The following C11orf65 variants were observed in gnomAD, a reference collection of about 807,000 sequenced individuals.
C11orf65 encodes the protein chromosome 11 open reading frame 65.
Under a neutral mutation model 35.3 loss-of-function variants are expected in C11orf65, and 38 were observed. The ratio of observed to expected loss-of-function variants is 1.08; its 90% CI spans 0.83 to 1.41. C11orf65 has a LOEUF of 1.41. C11orf65 is among the 40% of genes most tolerant of loss of function. The pLI is 0.00. For missense variants in C11orf65, 370 were observed against 367.1 expected, an observed-to-expected ratio of 1.01 and a Z score of -0.06; for synonymous variants, 105 against 114.4, an observed-to-expected ratio of 0.92 and a Z score of 0.53.
intron 3 of C11orf65, among the ~76,000 whole-genome samples, chr11:108,410,988 C>T (rs2092645840): frequency 6.6e-6 from 1 of 152,076 alleles, no homozygotes; most frequent in Non-Finnish European, 1.5e-5. Flanking sequence ...GTATTACAGG[C>T]ATGAGCCACC....
intron 2 of C11orf65, among the ~76,000 whole-genome samples, chr11:108,439,838 A>C (rs1409368924): frequency 6.6e-6 from 1 of 152,190 alleles, no homozygotes; most frequent in Non-Finnish European, 1.5e-5. Context: ...TAATGGGTAC[A>C]TGAGGTTTTG....
At chr11:108,332,314 C>T (rs1167125198) in intron 3 of C11orf65, among the ~76,000 whole-genome samples, 1 of 152,086 alleles carries the variant, frequency 6.6e-6, no homozygotes, top group African/African-American at 2.4e-5. Flanking sequence ...CACCTGTAGT[C>T]CCAGCTACTC....
intron 8 of C11orf65, among the ~76,000 whole-genome samples, chr11:108,385,266 T>A (rs1461864668): frequency 6.6e-6 from 1 of 150,624 alleles, no homozygotes; most frequent in Non-Finnish European, 1.5e-5. Context: ...GAGTCAGGGT[T>A]TCACCATGTT....
At chr11:108,339,652 A>G (rs1474584148) in intron 2 of C11orf65, among the ~76,000 whole-genome samples, 1 of 152,042 alleles carries the variant, frequency 6.6e-6, no homozygotes, top group Non-Finnish European at 1.5e-5. Context: ...AACCAACATC[A>G]CAGTTGAGAC....
chr11:108,317,414 T>A, intron 6 of C11orf65: 1 of 1,612,558 alleles, frequency 6.2e-7, no homozygotes, highest in South Asian at 1.1e-5. Context: ...TTTCCGTCTA[T>A]TTAAAAGGAT....
chr11:108,352,961 G>C (rs1429263339), intron 2 of C11orf65, among the ~76,000 whole-genome samples: 1 of 152,124 alleles, frequency 6.6e-6, no homozygotes, highest in Non-Finnish European at 1.5e-5. Context: ...AATAGGTGCA[G>C]CCGTAAAGGG....
At chr11:108,370,021 T>C (rs2138070695) in intron 2 of C11orf65, among the ~76,000 whole-genome samples, 1 of 152,302 alleles carries the variant, frequency 6.6e-6, no homozygotes, top group South Asian at 2.1e-4. Context: ...CTTCATTCTC[T>C]TAATGGAGTT....
At chr11:108,422,927 G>A (rs2092841318) in intron 3 of C11orf65, among the ~76,000 whole-genome samples, 1 of 151,644 alleles carries the variant, frequency 6.6e-6, no homozygotes, top group Admixed American at 6.6e-5. Context: ...ATACACAGAG[G>A]TCAGTCCCAG....
chr11:108,354,505 G>T (rs1044278260), intron 2 of C11orf65, among the ~76,000 whole-genome samples: 1 of 152,220 alleles, frequency 6.6e-6, no homozygotes, highest in Non-Finnish European at 1.5e-5. Context: ...ATTGCAGTCA[G>T]TGTAAACTAA....
At chr11:108,394,171 C>G (rs551765555) in intron 6 of C11orf65, among the ~76,000 whole-genome samples, 50 of 127,828 alleles carry the variant, frequency 3.9e-4, no homozygotes, top group African/African-American at 1.4e-3. Flanking sequence ...CAGAGCAAGA[C>G]TCCATCTCAA....
downstream of C11orf65, among the ~76,000 whole-genome samples, chr11:108,329,537 C>T (rs1285703106): frequency 6.6e-6 from 1 of 152,030 alleles, no homozygotes; most frequent in African/African-American, 2.4e-5. Context: ...CCTGAGCCCC[C>T]GAAATAGCTG....
downstream of C11orf65, among the ~76,000 whole-genome samples, chr11:108,379,679 T>C (rs182826066): frequency 4.4e-4 from 67 of 152,028 alleles, no homozygotes; most frequent in Middle Eastern, 3.4e-3. Flanking sequence ...CCTGGGTTTA[T>C]TTAAGTAACC....
intron 2 of C11orf65, among the ~76,000 whole-genome samples, chr11:108,335,603 T>C (rs2086751123): frequency 6.6e-6 from 1 of 152,074 alleles, no homozygotes; most frequent in Non-Finnish European, 1.5e-5. Flanking sequence ...TATGCCTTCC[T>C]AGGGGGGACT....
At chr11:108,436,201 C>T (rs1369110415) in intron 2 of C11orf65, among the ~76,000 whole-genome samples, 1 of 152,074 alleles carries the variant, frequency 6.6e-6, no homozygotes, top group Non-Finnish European at 1.5e-5. Flanking sequence ...GAAATTCTTC[C>T]CTAGAGCCTC....
At position 108,435,348 on chromosome 11, in the gene C11orf65, T is replaced by C. The variant is rs1207563867; in HGVS notation, c.82-3510A>G. On this transcript the variant is annotated intron_variant, in intron 2 of 8. Coordinates refer to ENST00000393084, the MANE Select transcript of C11orf65 (RefSeq NM_152587.5). Reference sequence around the variant, plus strand: ...CATGAAAAAAAAAAGACAATTACCATACTGGCTGGGGTAATTAATCCTGAT... The same window carrying C: ...CATGAAAAAAAAAAGACAATTACCACACTGGCTGGGGTAATTAATCCTGAT... Among the ~76,000 whole-genome samples, 4 of 152,116 alleles carry C rather than the reference T, an allele frequency of 2.6e-5. No individual in the cohort carries two copies. In the East Asian group the frequency reaches 7.7e-4, roughly 29 times the overall value.
At chr11:108,308,796 C>G in exon 7 of C11orf65, 1 of 528,894 alleles carries the variant, frequency 1.9e-6, no homozygotes. Context: ...TTCTTCTTCT[C>G]TAGTAGAAAA....
intron 3 of C11orf65, among the ~76,000 whole-genome samples, chr11:108,430,933 CACACACACACACAG>C (rs1174366305): frequency 6.2e-5 from 8 of 128,902 alleles, no homozygotes; most frequent in African/African-American, 2.6e-4. Context: ...CACACACACA[CACACACACACACAG>C]AGGAGAGTTG....
At chr11:108,357,378 G>A (rs987192266) in intron 2 of C11orf65, among the ~76,000 whole-genome samples, 3 of 152,228 alleles carry the variant, frequency 2.0e-5, no homozygotes, top group Non-Finnish European at 4.4e-5. Context: ...AGGGGCGCCC[G>A]CCATTGCCCA....
Position 108,312,390 on chromosome 11 carries a change from A to C in C11orf65, c.641-3319T>G, listed in dbSNP as rs373693586. 12 of 1,510,530 alleles carry C rather than the reference A, an allele frequency of 7.9e-6. No homozygotes were observed. In the African/African-American group the frequency reaches 1.5e-4, roughly 19 times the overall value. 93.6% of individuals were successfully genotyped at this position (1,510,530 alleles called of 1,614,324 possible). ...CCAAATAGTATGTTCTCATTAAAAG[A>C]GGTGTTCTTGTGACAAACAGAAGTC... On this transcript the variant is annotated intron_variant, in intron 6 of 6. Coordinates refer to the C11orf65 transcript ENST00000525729.
Sources: gnomAD v4.1 joint callset for allele counts (sites outside exome capture counted in the v4.1 genomes callset) on GRCh38, gnomAD v4.1.1 for gene constraint, MANE v1.5 for transcripts, NCBI Gene and HGNC (gene_info 2026-07-23, HGNC 2026-07-21) for gene names.